CXCL17: variants seen among roughly 807,000 people sequenced by gnomAD.
The protein encoded by CXCL17 is C-X-C motif chemokine 17.
Under a neutral mutation model 15.5 loss-of-function variants are expected in CXCL17, and 9 were observed. The observed-to-expected ratio is 0.58, with a 90% confidence interval of 0.35 to 1.01. The LOEUF is 1.01. Among genes scored for constraint, CXCL17 ranks in the 50% least tolerant of loss-of-function variants. CXCL17 has a pLI of 0.02. For missense variants in CXCL17, 133 were observed against 138.2 expected, an observed-to-expected ratio of 0.96 and a Z score of 0.19; for synonymous variants, 52 against 52.3, an observed-to-expected ratio of 0.99 and a Z score of 0.02.
chr19:42,436,947 A>AT (rs1433959091), intron 1 of CXCL17, among the ~76,000 whole-genome samples: 1 of 151,694 alleles, frequency 6.6e-6, no homozygotes, highest in Non-Finnish European at 1.5e-5. Flanking sequence ...TTATTTATTT[A>AT]TTTTTTTTGA....
intron 1 of CXCL17, among the ~76,000 whole-genome samples, chr19:42,441,426 T>C (rs1167547807): frequency 1.3e-5 from 2 of 151,994 alleles, no homozygotes; most frequent in Non-Finnish European, 2.9e-5. Flanking sequence ...GTTAGTTTGG[T>C]TGGAGAAATA....
chr19:42,433,828 G>A lies in CXCL17; in HGVS notation c.108C>T (p.Gly36=), dbSNP rs140438526. ...PGVARGHRDR[G]QASRRWLQEG... ...CCTGGAGCCATCTCCTAGAAGCCTG[G>A]CCTCGGTCCCTGTGGCCTCTGGCGA... is the stretch of plus-strand genomic sequence containing the variant. The change falls in exon 2 of 4, where the codon GGC becomes GGT. Residue 36 remains glycine, a synonymous_variant. Transcript: ENST00000601181. 7.4e-6 allele frequency: 12 copies of A among 1,613,904 alleles called. No individual in the cohort carries two copies. Among genetic ancestry groups the A allele is most frequent in the Non-Finnish European group, 1.0e-5 (12 of 1,179,986 alleles).
chr19:42,438,381 A>ATAT (rs1338855267), intron 1 of CXCL17, among the ~76,000 whole-genome samples: 13 of 63,854 alleles, frequency 2.0e-4, no homozygotes, highest in Non-Finnish European at 2.8e-4. Flanking sequence ...AAAAAAAAAA[A>ATAT]ATATATATAT....
rs1431427463 is a variant in CXCL17 at position 42,428,748 on chromosome 19, C to CT, written c.*135dup. The stretch of plus-strand genomic sequence containing the variant: ...AAACAAAATGATCTTGAAAAACATG[C>CT]TTTTTGAGAGCACTGGAATGATTTA... On this transcript the variant is annotated 3_prime_UTR_variant, in exon 4 of 4. Transcript: ENST00000601181. 2 of 711,500 alleles carry CT rather than the reference C, an allele frequency of 2.8e-6. No individual in the cohort carries two copies. The highest frequency in any genetic ancestry group is 3.5e-5 in the African/African-American group (2 of 56,386). 44.1% of individuals were successfully genotyped at this position (711,500 alleles called of 1,614,324 possible).
intron 3 of CXCL17, among the ~76,000 whole-genome samples, chr19:42,429,776 T>C (rs1318390663): frequency 2.0e-5 from 3 of 152,246 alleles, no homozygotes; most frequent in Non-Finnish European, 4.4e-5. Flanking sequence ...GTTAATAGTT[T>C]GCTACGTATT....
intron 1 of CXCL17, among the ~76,000 whole-genome samples, chr19:42,434,265 C>T (rs1309208995): frequency 1.3e-5 from 2 of 152,156 alleles, no homozygotes; most frequent in African/African-American, 2.4e-5. Flanking sequence ...GAAAGAATGG[C>T]TTCTAGATGG....
At chr19:42,442,686 G>T in intron 1 of CXCL17, 68 bp downstream of exon 1, 2 of 1,106,424 alleles carry the variant, frequency 1.8e-6, no homozygotes, top group Non-Finnish European at 2.7e-6. Context: ...GCTGCATTTT[G>T]ATGTGTCTGT....
Position 42,432,988 on chromosome 19 carries a change from C to T in CXCL17, c.250G>A (p.Val84Met), listed in dbSNP as rs765830298. ...QCPCDHFKGN[V>M]KKTRHQRHHR... ...TTTGGAAACTTACTTGTTTTCTTCACATTGCCCTTGAAATGATCACAGGGG... is the reference window on the plus strand; with the variant it reads ...TTTGGAAACTTACTTGTTTTCTTCATATTGCCCTTGAAATGATCACAGGGG... Residue 84 changes from valine (V) to methionine (M), a missense_variant, in exon 3 of 4, where the codon GTG (valine) becomes ATG (methionine). Val to Met is a conservative substitution (Grantham distance 21). Coordinates refer to ENST00000601181, the MANE Select transcript of CXCL17 (RefSeq NM_198477.3). The T allele has an allele frequency of 1.2e-6, 2 of 1,613,562 alleles. No homozygotes were observed. The highest frequency in any genetic ancestry group is 1.7e-6 in the Non-Finnish European group (2 of 1,179,466).
chr19:42,439,253 C>CAAA (rs58768697), intron 1 of CXCL17, among the ~76,000 whole-genome samples: 2 of 77,480 alleles, frequency 2.6e-5, no homozygotes, highest in African/African-American at 8.8e-5. Flanking sequence ...GACTCTATCT[C>CAAA]AAAAAAAAAA....
chr19:42,439,576 C>T (rs1461850008), intron 1 of CXCL17, among the ~76,000 whole-genome samples: 5 of 152,102 alleles, frequency 3.3e-5, no homozygotes, highest in Admixed American at 3.3e-4. Flanking sequence ...AGTAGAGAAA[C>T]CTGGCAGACA....
At chr19:42,432,220 C>T (rs190409724) in intron 3 of CXCL17, among the ~76,000 whole-genome samples, 1 of 142,276 alleles carries the variant, frequency 7.0e-6, no homozygotes, top group East Asian at 2.1e-4. Flanking sequence ...TCTCAACTCT[C>T]TGCAACCTCC....
Position 42,428,726 on chromosome 19 carries a change from C to T in CXCL17, c.*158G>A. 1 of 679,892 alleles carries T rather than the reference C, an allele frequency of 1.5e-6. No individual in the cohort carries two copies. The highest frequency in any genetic ancestry group is 2.2e-5 in the Admixed American group (1 of 45,798). The allele number at this position is 679,892 out of a possible 1,614,324, so 42.1% of individuals were successfully genotyped here. ...AGAAGACACTAGAGAGAGCAACAAA[C>T]AAAATGATCTTGAAAAACATGCTTT... On this transcript the variant is annotated 3_prime_UTR_variant, in exon 4 of 4. Transcript: ENST00000601181.
At chr19:42,438,436 CAT>C (rs1293816619) in intron 1 of CXCL17, among the ~76,000 whole-genome samples, 11 of 130,158 alleles carry the variant, frequency 8.5e-5, no homozygotes, top group Middle Eastern at 4.7e-3. Context: ...CACACACACA[CAT>C]ATATACTGTA....
At chr19:42,442,435 G>A (rs1047209311) in intron 1 of CXCL17, among the ~76,000 whole-genome samples, 1 of 151,862 alleles carries the variant, frequency 6.6e-6, no homozygotes, top group Non-Finnish European at 1.5e-5. Context: ...GAGTTTCACC[G>A]TGTTAGCCAG....
At chr19:42,442,624 G>A (rs2040905745) in intron 1 of CXCL17, 130 bp downstream of exon 1, 3 of 635,518 alleles carry the variant, frequency 4.7e-6, no homozygotes, top group Non-Finnish European at 8.4e-6. Flanking sequence ...TGTAAAGGAG[G>A]AAACTGGCAT....
intron 3 of CXCL17, among the ~76,000 whole-genome samples, chr19:42,430,607 A>AAAAG (rs1004075887): frequency 7.9e-5 from 12 of 151,672 alleles, no homozygotes; most frequent in East Asian, 1.9e-4. Flanking sequence ...AAAAAAAAAA[A>AAAAG]AAAGAAAGAA....
At chr19:42,429,034 CTT>C in intron 3 of CXCL17, 53 bp from the exon 4 acceptor site, 28 of 1,226,466 alleles carry the variant, frequency 2.3e-5, no homozygotes, top group Middle Eastern at 2.4e-4. Flanking sequence ...TTTAACATTT[CTT>C]TTTTTTTTGG....
chr19:42,438,543 G>A (rs572800955), intron 1 of CXCL17, among the ~76,000 whole-genome samples: 33 of 151,344 alleles, frequency 2.2e-4, no homozygotes, highest in African/African-American at 7.0e-4. Context: ...CTGAAACTGC[G>A]ATTAAGTGGG....
chr19:42,430,748 G>A (rs757930666), intron 3 of CXCL17, among the ~76,000 whole-genome samples: 1 of 152,014 alleles, frequency 6.6e-6, no homozygotes, highest in Non-Finnish European at 1.5e-5. Flanking sequence ...CCACCTATGT[G>A]TATAGATTCC....
Sources: allele counts gnomAD v4.1 joint callset (sites outside exome capture counted in the v4.1 genomes callset), GRCh38; gene constraint gnomAD v4.1.1; transcripts MANE v1.5; gene names NCBI Gene and HGNC (gene_info 2026-07-23, HGNC 2026-07-21).